Variants in SEMA4D observed in about 807,000 individuals in gnomAD.
SEMA4D encodes semaphorin 4D.
Under a neutral mutation model 74.8 loss-of-function variants are expected in SEMA4D, and 22 were observed. The observed-to-expected ratio is 0.29, with a 90% CI of 0.21 to 0.42. SEMA4D has a LOEUF of 0.42. Among genes scored for constraint, SEMA4D ranks in the 10% least tolerant of loss-of-function variants. SEMA4D has a pLI of 1.00. For synonymous variants in SEMA4D, 445 were observed against 463.7 expected (o/e 0.96, Z 0.52); for missense variants, 937 against 1,118.4 (o/e 0.84, Z 2.31).
intron 2 of SEMA4D, among the ~76,000 whole-genome samples, chr9:89,448,389 A>C (rs1853502116): frequency 6.6e-6 from 1 of 152,178 alleles, no homozygotes; most frequent in African/African-American, 2.4e-5. Context: ...CTGATGCCCC[A>C]CTGCCCAGGC....
intron 2 of SEMA4D, among the ~76,000 whole-genome samples, chr9:89,416,837 C>G (rs1845820289): frequency 6.6e-6 from 1 of 152,184 alleles, no homozygotes; most frequent in African/African-American, 2.4e-5. Context: ...TGAAACCCAC[C>G]ACATTAGTGT....
In SEMA4D at chr9:89,450,044, G is replaced by C. The variant is rs564776379; in HGVS notation, c.-244+5844C>G. The C allele has an allele frequency of 1.2e-5, 17 of 1,379,410 alleles. No individual in the cohort carries two copies. The East Asian group carries it at 3.7e-4, about 30-fold the overall frequency. The allele number at this position is 1,379,410 out of a possible 1,614,324, so 85.4% of individuals were successfully genotyped here. A position where few individuals can be genotyped will look rare whatever the true frequency, so the allele number is the denominator to read the frequency against. ...CATGCCTGGTCACACCTGGAAATCA[G>C]AACACACAAGTGACAGAAGCCTGGA... is the stretch of plus-strand genomic sequence containing the variant. On this transcript the variant is annotated intron_variant, in intron 2 of 15. Coordinates refer to ENST00000422704, the MANE Select transcript of SEMA4D (RefSeq NM_001371194.2).
downstream of SEMA4D, among the ~76,000 whole-genome samples, chr9:89,374,498 TGA>T (rs1275995774): frequency 6.6e-6 from 1 of 152,152 alleles, no homozygotes; most frequent in Non-Finnish European, 1.5e-5. Context: ...CAAGTGAGAC[TGA>T]GTGTTTGACA....
chr9:89,425,290 C>T (rs1045881942), intron 2 of SEMA4D, among the ~76,000 whole-genome samples: 1 of 152,192 alleles, frequency 6.6e-6, no homozygotes, highest in Non-Finnish European at 1.5e-5. Context: ...TGGCTCAGCT[C>T]GAAGGCCAGG....
At chr9:89,410,180 G>C (rs78859695) in intron 2 of SEMA4D, among the ~76,000 whole-genome samples, 8 of 152,154 alleles carry the variant, frequency 5.3e-5, no homozygotes, top group African/African-American at 1.9e-4. Flanking sequence ...CCGCTGAACT[G>C]GGGAGAGGTG....
At chr9:89,421,503 A>AT (rs1388727921) in intron 2 of SEMA4D, among the ~76,000 whole-genome samples, 1 of 152,228 alleles carries the variant, frequency 6.6e-6, no homozygotes, top group African/African-American at 2.4e-5. Flanking sequence ...TTCAGTATGG[A>AT]TATACCCCAT....
At chr9:89,389,384 C>T (rs1178321604) in intron 9 of SEMA4D, among the ~76,000 whole-genome samples, 1 of 152,248 alleles carries the variant, frequency 6.6e-6, no homozygotes, top group African/African-American at 2.4e-5. Flanking sequence ...ACACTTCCAA[C>T]TGCCAAGGCC....
chr9:89,443,481 A>G (rs2135190725), intron 2 of SEMA4D, among the ~76,000 whole-genome samples: 1 of 152,316 alleles, frequency 6.6e-6, no homozygotes, highest in South Asian at 2.1e-4. Context: ...ACAGAAAATG[A>G]GCCCTCCCAG....
rs562616164 is a variant in SEMA4D, at chr9:89,434,286, GCCAGCCAGGA to G, written c.-244+21592_-244+21601del. Among the ~76,000 whole-genome samples, 7 of 152,322 alleles carry G rather than the reference GCCAGCCAGGA, an allele frequency of 4.6e-5. No individual in the cohort carries two copies. In the East Asian group the frequency reaches 1.3e-3, roughly 29 times the overall value. Reference sequence around the variant, plus strand: ...AGGAGGGAGGGGTCTCGGTCTAGGAGCCAGCCAGGACCCTAGAAACCTCTAGAAGGGAAGA... The same window carrying G: ...AGGAGGGAGGGGTCTCGGTCTAGGAGCCCTAGAAACCTCTAGAAGGGAAGA... On this transcript the variant is annotated intron_variant, in intron 2 of 15. Coordinates refer to ENST00000422704, the MANE Select transcript of SEMA4D (RefSeq NM_001371194.2).
At position 89,399,929 on chromosome 9, in the gene SEMA4D, C is replaced by T. The variant is rs143293623; in HGVS notation, c.253-591G>A. 3.9e-3 allele frequency among the ~76,000 whole-genome samples: 530 copies of T among 135,582 alleles called. 30 individuals carry two copies. In the East Asian group the frequency reaches 0.11, roughly 27 times the overall value. 88.9% of individuals were successfully genotyped at this position (135,582 alleles called of 152,430 possible). ...AGGAGAATCTCTTGAACCCGGGAGG[C>T]GAAGGTTGCAGTAAGCCGAGATCGC... On this transcript the variant is annotated intron_variant, in intron 4 of 15. Transcript: ENST00000422704.
chr9:89,383,919 G>A (rs925842963), intron 13 of SEMA4D, among the ~76,000 whole-genome samples: 2 of 152,144 alleles, frequency 1.3e-5, no homozygotes, highest in African/African-American at 4.8e-5. Context: ...CTTGCAGGCA[G>A]CTCTCATGCT....
At chr9:89,392,936 C>CAGCT (rs1840173431) in intron 7 of SEMA4D, among the ~76,000 whole-genome samples, 1 of 152,086 alleles carries the variant, frequency 6.6e-6, no homozygotes, top group Non-Finnish European at 1.5e-5. Context: ...CCCTGTTGAC[C>CAGCT]AGCTGGTCTT....
intron 1 of SEMA4D, among the ~76,000 whole-genome samples, chr9:89,464,196 T>G (rs1858073755): frequency 6.6e-6 from 1 of 152,208 alleles, no homozygotes; most frequent in Admixed American, 6.5e-5. Flanking sequence ...CACTACGCTC[T>G]CAGGGACCAA....
intron 1 of SEMA4D, among the ~76,000 whole-genome samples, chr9:89,467,792 A>T (rs183423030): frequency 2.7e-4 from 41 of 152,196 alleles, no homozygotes; most frequent in Admixed American, 2.6e-3. Context: ...AGCCTCCCAA[A>T]GTGCTGGGAT....
chr9:89,415,801 C>T (rs1845586377), intron 2 of SEMA4D, among the ~76,000 whole-genome samples: 1 of 152,142 alleles, frequency 6.6e-6, no homozygotes, highest in Non-Finnish European at 1.5e-5. Flanking sequence ...CTGCTGGCAC[C>T]CAGCAGAGCT....
chr9:89,371,488 A>G (rs1323653026), intron 16 of SEMA4D, among the ~76,000 whole-genome samples: 6 of 22,300 alleles, frequency 2.7e-4, no homozygotes, highest in East Asian at 1.3e-3. Flanking sequence ...TGTGTGTGGG[A>G]TGTGTCTGGG....
rs889886951 is a variant in SEMA4D, at chr9:89,492,219, G to A, written c.-310+5700C>T. The stretch of plus-strand genomic sequence containing the variant: ...CATGGATAAACCCCAGGTTGTCTTC[G>A]GTTCTCACCTTCGTGACCTCCGCTG... On this transcript the variant is annotated intron_variant, in intron 1 of 15. Coordinates refer to ENST00000422704, the MANE Select transcript of SEMA4D (RefSeq NM_001371194.2). The surrounding 1 kb of genome is among the most constrained non-coding windows in gnomAD (Gnocchi z 4.3). 3.3e-5 allele frequency among the ~76,000 whole-genome samples: 5 copies of A among 152,012 alleles called. No homozygotes were observed. In the East Asian group the frequency reaches 5.8e-4, roughly 18 times the overall value.
intron 4 of SEMA4D, among the ~76,000 whole-genome samples, chr9:89,400,006 CAAAAAAAAA>C (rs33925502): frequency 1.7e-5 from 1 of 58,980 alleles, no homozygotes; most frequent in African/African-American, 5.9e-5. Flanking sequence ...GACTCCGTCT[CAAAAAAAAA>C]AAAAAAAAAA....
At chr9:89,451,970 C>T (rs904126681) in intron 2 of SEMA4D, among the ~76,000 whole-genome samples, 2 of 152,042 alleles carry the variant, frequency 1.3e-5, no homozygotes, top group African/African-American at 4.8e-5. Context: ...GTGTGGTGTC[C>T]AGCTAGGATA....
Sources: gnomAD v4.1 joint callset for allele counts (sites outside exome capture counted in the v4.1 genomes callset) on GRCh38, gnomAD v4.1.1 for gene constraint, Gnocchi (gnomAD v3.1) non-coding constraint, MANE v1.5 for transcripts, NCBI Gene and HGNC (gene_info 2026-07-23, HGNC 2026-07-21) for gene names.